The following PARL variants were observed in gnomAD, a reference collection of about 807,000 sequenced individuals.
PARL encodes the protein presenilin-associated rhomboid-like protein, mitochondrial.
In PARL, 44 loss-of-function variants were observed where a neutral mutation model predicts 51.6. The ratio of observed to expected loss-of-function variants is 0.85; its 90% CI spans 0.67 to 1.10. The LOEUF (loss-of-function observed/expected upper bound fraction) is 1.10, where lower values mean the gene tolerates loss of function less well. Among genes scored for constraint, PARL ranks in the 50% least tolerant of loss-of-function variants. PARL has a pLI of 0.00. For synonymous variants in PARL, 172 were observed against 164.0 expected (o/e 1.05, Z -0.37); for missense variants, 441 against 469.5 (o/e 0.94, Z 0.56).
chr3:183,861,626 A>C (rs137911072), intron 4 of PARL, among the ~76,000 whole-genome samples: 294 of 152,336 alleles, frequency 1.9e-3, no homozygotes, highest in African/African-American at 6.4e-3. Context: ...TTCTCCACTT[A>C]AGTACAGAAA....
chr3:183,837,480 C>A (rs1009371535), intron 7 of PARL, among the ~76,000 whole-genome samples: 3 of 152,196 alleles, frequency 2.0e-5, no homozygotes, highest in South Asian at 2.1e-4. Context: ...GCGGTGTCAG[C>A]GGAAAGAAGC....
At chr3:183,862,857 T>C (rs2108666076) in intron 3 of PARL, 56 bp from the exon 4 acceptor site, 1 of 1,403,132 alleles carries the variant, frequency 7.1e-7, no homozygotes. Context: ...GCTACAAAAA[T>C]GAAAAACCAG....
At chr3:183,858,692 G>C (rs1731441267) in intron 4 of PARL, among the ~76,000 whole-genome samples, 1 of 152,126 alleles carries the variant, frequency 6.6e-6, no homozygotes, top group South Asian at 2.1e-4. Context: ...GGGGTTGCCT[G>C]GGGACCTCTA....
In PARL at chr3:183,875,283, C is replaced by T. The variant is rs1474029389; in HGVS notation, c.126-7223G>A. 6.4e-4 allele frequency among the ~76,000 whole-genome samples: 97 copies of T among 151,938 alleles called. 2 individuals are homozygous for T. Among genetic ancestry groups the T allele is most frequent in the Non-Finnish European group, 1.9e-4 (13 of 67,946 alleles). Reference sequence around the variant, plus strand: ...TACAAGAATTACCTGGGCGTGGTGGCGGGCGACTGTAATCCCAGCCACTGG... The same window carrying T: ...TACAAGAATTACCTGGGCGTGGTGGTGGGCGACTGTAATCCCAGCCACTGG... On this transcript the variant is annotated intron_variant, in intron 1 of 9. Coordinates refer to ENST00000317096, the MANE Select transcript of PARL (RefSeq NM_018622.7).
chr3:183,874,811 G>A (rs1361011373), intron 1 of PARL, among the ~76,000 whole-genome samples: 1 of 152,170 alleles, frequency 6.6e-6, no homozygotes, highest in Admixed American at 6.5e-5. Flanking sequence ...GTGGCTCACA[G>A]CTGTAACCCC....
At chr3:183,854,599 C>A (rs543867384) in intron 4 of PARL, among the ~76,000 whole-genome samples, 2 of 151,614 alleles carry the variant, frequency 1.3e-5, no homozygotes, top group Non-Finnish European at 2.9e-5. Context: ...AAAAAGGGGA[C>A]GTATTGTTTA....
chr3:183,855,124 G>A (rs1480652558), intron 4 of PARL, among the ~76,000 whole-genome samples: 2 of 152,076 alleles, frequency 1.3e-5, no homozygotes, highest in Non-Finnish European at 2.9e-5. Context: ...CAGGTTGATG[G>A]CTGCCTAAGG....
intron 4 of PARL, among the ~76,000 whole-genome samples, chr3:183,851,531 CAAT>C (rs1730546615): frequency 6.6e-6 from 1 of 151,746 alleles, no homozygotes; most frequent in Admixed American, 6.6e-5. Flanking sequence ...AATAAATATA[CAAT>C]AAGACATGAA....
At chr3:183,853,389 C>T (rs879684244) in intron 4 of PARL, among the ~76,000 whole-genome samples, 1 of 152,026 alleles carries the variant, frequency 6.6e-6, no homozygotes, top group Non-Finnish European at 1.5e-5. Flanking sequence ...ATGGCGAAAC[C>T]CCATCTCTAC....
At chr3:183,837,652 TA>T (rs1728790253) in intron 7 of PARL, among the ~76,000 whole-genome samples, 1 of 152,126 alleles carries the variant, frequency 6.6e-6, no homozygotes, top group Non-Finnish European at 1.5e-5. Flanking sequence ...CACCCAGCAG[TA>T]ACGAGTCACG....
chr3:183,828,193 AC>A (rs1205225093), downstream of PARL, among the ~76,000 whole-genome samples: 2 of 152,200 alleles, frequency 1.3e-5, no homozygotes, highest in Non-Finnish European at 2.9e-5. Flanking sequence ...GGGACTTCTA[AC>A]TTTTTCCCAG....
intron 1 of PARL, among the ~76,000 whole-genome samples, chr3:183,870,407 C>A (rs1733053528): frequency 1.3e-5 from 2 of 151,548 alleles, no homozygotes; most frequent in South Asian, 4.2e-4. Context: ...TGGATCATGG[C>A]AACACTTTCC....
At chr3:183,883,762 A>G (rs888041281) in intron 1 of PARL, 8 of 903,976 alleles carry the variant, frequency 8.8e-6, no homozygotes, top group Non-Finnish European at 1.1e-5. Context: ...TGCTTGTCGG[A>G]CATATAGGTT....
At chr3:183,884,358 G>T (rs1577414570) in intron 1 of PARL, among the ~76,000 whole-genome samples, 1 of 152,152 alleles carries the variant, frequency 6.6e-6, no homozygotes, top group South Asian at 2.1e-4. Flanking sequence ...TAATTAGATG[G>T]AAAAAGAATA....
intron 1 of PARL, among the ~76,000 whole-genome samples, chr3:183,881,438 G>A (rs1359600654): frequency 6.6e-6 from 1 of 152,224 alleles, no homozygotes; most frequent in Non-Finnish European, 1.5e-5. Context: ...TTGTTTTTAA[G>A]AGTGCAACGG....
chr3:183,833,717 T>C lies in PARL; in HGVS notation c.930+7A>G. The C allele has an allele frequency of 1.9e-6, 3 of 1,588,808 alleles. No individual in the cohort carries two copies. The highest frequency in any genetic ancestry group is 2.6e-6 in the Non-Finnish European group (3 of 1,156,898). ...TCCCCAGCACTGCACTTCATAAAAA[T>C]ACTTACATTCCCTGCTGTGAACGTG... is the stretch of plus-strand genomic sequence containing the variant. On this transcript the variant is annotated splice_region_variant and intron_variant, in intron 8 of 9. Transcript: ENST00000317096.
Position 183,884,867 on chromosome 3 carries a change from C to T in PARL, c.-21G>A, listed in dbSNP as rs1359106000. 2.5e-6 allele frequency: 4 copies of T among 1,596,512 alleles called. No homozygotes were observed. Among genetic ancestry groups the T allele is most frequent in the African/African-American group, 2.7e-5 (2 of 74,964 alleles). The stretch of plus-strand genomic sequence containing the variant: ...GCCATCTTCCCAACCTCTGCCCCAC[C>T]ATGGCCCGACCTTACCAACCCCAGC... On this transcript the variant is annotated 5_prime_UTR_variant, in exon 1 of 10. An upstream start codon of the reference 5' UTR is lost. Transcript: ENST00000317096.
intron 1 of PARL, among the ~76,000 whole-genome samples, chr3:183,876,230 A>G (rs745795628): frequency 2.6e-5 from 4 of 152,030 alleles, no homozygotes; most frequent in Admixed American, 2.6e-4. Context: ...TGTTTTTAGT[A>G]GAGATGGGGT....
intron 4 of PARL, among the ~76,000 whole-genome samples, chr3:183,847,429 G>T (rs1730086474): frequency 6.6e-6 from 1 of 152,118 alleles, no homozygotes; most frequent in Non-Finnish European, 1.5e-5. Context: ...GCTGGGCATG[G>T]TGGCACATGC....
Sources: allele counts gnomAD v4.1 joint callset (sites outside exome capture counted in the v4.1 genomes callset), GRCh38; gene constraint gnomAD v4.1.1; transcripts MANE v1.5; gene names NCBI Gene and HGNC (gene_info 2026-07-23, HGNC 2026-07-21).